Variants in CDKAL1 observed in about 807,000 individuals in gnomAD.
CDKAL1 encodes the protein threonylcarbamoyladenosine tRNA methylthiotransferase.
CDKAL1 carries 32 observed loss-of-function variants against 68.2 expected under a neutral mutation model. That is an observed-to-expected ratio of 0.47 (90% CI 0.35 to 0.63). The LOEUF (loss-of-function observed/expected upper bound fraction) is 0.63. Among genes scored for constraint, CDKAL1 ranks in the 30% least tolerant of loss-of-function variants. The probability of loss-of-function intolerance (pLI) is 0.00; values close to 1 mark genes in which losing one functional copy is unlikely to be tolerated. For synonymous variants in CDKAL1, 234 were observed against 244.3 expected (o/e 0.96, Z 0.39); for missense variants, 606 against 696.7 (o/e 0.87, Z 1.47).
At chr6:20,988,769 C>T (rs558768745) in intron 10 of CDKAL1, among the ~76,000 whole-genome samples, 4 of 152,144 alleles carry the variant, frequency 2.6e-5, no homozygotes, top group Admixed American at 1.3e-4. Context: ...CCTGCCTCAG[C>T]CTCCCCAGTA....
At chr6:20,613,197 C>T (rs906720785) in intron 4 of CDKAL1, among the ~76,000 whole-genome samples, 11 of 144,138 alleles carry the variant, frequency 7.6e-5, no homozygotes, top group Admixed American at 6.4e-4. Context: ...GTAATTGCAG[C>T]TAATATATGA....
chr6:20,670,948 G>T lies in CDKAL1; in HGVS notation c.371+21571G>T, dbSNP rs117372363. Among the ~76,000 whole-genome samples the T allele has an allele frequency of 7.9e-5, 12 of 152,290 alleles. No individual in the cohort carries two copies. In the East Asian group the frequency reaches 2.3e-3, roughly 29 times the overall value. On this transcript the variant is annotated intron_variant, in intron 5 of 15. Coordinates refer to ENST00000274695, the MANE Select transcript of CDKAL1 (RefSeq NM_017774.3). The stretch of plus-strand genomic sequence containing the variant: ...TTTCCCATGTGTGGGTGTTGAGGTT[G>T]TCTGATATTTCACAATTCCAAACTG...
At chr6:21,099,329 T>G (rs1393914755) in intron 12 of CDKAL1, among the ~76,000 whole-genome samples, 2 of 152,210 alleles carry the variant, frequency 1.3e-5, no homozygotes, top group African/African-American at 4.8e-5. Context: ...TGGACAATGT[T>G]AATAAAGGAA....
At chr6:20,998,756 C>T (rs1444469919) in intron 10 of CDKAL1, among the ~76,000 whole-genome samples, 2 of 152,052 alleles carry the variant, frequency 1.3e-5, no homozygotes, top group African/African-American at 2.4e-5. Flanking sequence ...CTATATGTAA[C>T]AAGGTTAATA....
At chr6:20,624,892 G>T (rs1009881116) in intron 4 of CDKAL1, among the ~76,000 whole-genome samples, 2 of 152,040 alleles carry the variant, frequency 1.3e-5, no homozygotes, top group African/African-American at 4.8e-5. Flanking sequence ...TATCCTCTTG[G>T]TAATAATGCA....
At chr6:20,872,104 T>C (rs1371201085) in intron 9 of CDKAL1, among the ~76,000 whole-genome samples, 1 of 152,008 alleles carries the variant, frequency 6.6e-6, no homozygotes, top group Non-Finnish European at 1.5e-5. Flanking sequence ...TAGAAGGGAG[T>C]AGCCACACAA....
intron 15 of CDKAL1, among the ~76,000 whole-genome samples, chr6:21,226,816 C>T (rs1261033964): frequency 6.6e-6 from 1 of 152,134 alleles, no homozygotes; most frequent in Non-Finnish European, 1.5e-5. Flanking sequence ...GGGTTCACAC[C>T]ATTCTCCTGC....
intron 3 of CDKAL1, among the ~76,000 whole-genome samples, chr6:20,546,816 A>G (rs1486414588): frequency 6.6e-6 from 1 of 152,154 alleles, no homozygotes. Context: ...GGCCTCCCAA[A>G]GTACTGGGAT....
intron 4 of CDKAL1, among the ~76,000 whole-genome samples, chr6:20,565,914 T>C (rs1038839465): frequency 6.6e-6 from 1 of 152,112 alleles, no homozygotes. Flanking sequence ...TAACAAAGGC[T>C]TTTTTCCTAA....
chr6:21,169,842 G>A (rs1777302668), intron 13 of CDKAL1, among the ~76,000 whole-genome samples: 2 of 152,024 alleles, frequency 1.3e-5, no homozygotes, highest in South Asian at 2.1e-4. Context: ...GCAAGAGAGG[G>A]TTTGCAGAAG....
chr6:20,719,348 G>T (rs1405552845), intron 5 of CDKAL1, among the ~76,000 whole-genome samples: 1 of 152,076 alleles, frequency 6.6e-6, no homozygotes, highest in East Asian at 1.9e-4. Context: ...GAATTATTTG[G>T]TCTTTTTAGT....
At chr6:20,750,182 C>T (rs915624853) in intron 6 of CDKAL1, among the ~76,000 whole-genome samples, 3 of 151,956 alleles carry the variant, frequency 2.0e-5, no homozygotes, top group Non-Finnish European at 2.9e-5. Context: ...GATGTGATCA[C>T]GGCACACTGC....
intron 5 of CDKAL1, among the ~76,000 whole-genome samples, chr6:20,710,942 C>G (rs1771816624): frequency 6.6e-6 from 1 of 152,140 alleles, no homozygotes; most frequent in African/African-American, 2.4e-5. Flanking sequence ...AAACATTCAA[C>G]CTCTGTAAGC....
chr6:20,562,188 T>C lies in CDKAL1; in HGVS notation c.286+13483T>C, dbSNP rs955208878. Reference sequence around the variant, plus strand: ...GTATTACTTGTATTCACTTGAGTTATTTGCAACGGTTGGTAAAGAGGCATA... The same window carrying C: ...GTATTACTTGTATTCACTTGAGTTACTTGCAACGGTTGGTAAAGAGGCATA... On this transcript the variant is annotated intron_variant, in intron 4 of 15. Coordinates refer to ENST00000274695, the MANE Select transcript of CDKAL1 (RefSeq NM_017774.3). Among the ~76,000 whole-genome samples, 10 of 152,274 alleles carry C rather than the reference T, an allele frequency of 6.6e-5. No individual in the cohort carries two copies. In the South Asian group the frequency reaches 1.7e-3, roughly 25 times the overall value.
rs548058945 is a variant in CDKAL1 at position 21,192,264 on chromosome 6, AC to A, written c.1300-5754del. ...TCTCGATCTCCTGACCTCATGATCC[AC>A]CCGCCTCGGCCTCCCAAAGTGCTGG... On this transcript the variant is annotated intron_variant, in intron 13 of 15. Coordinates refer to ENST00000274695, the MANE Select transcript of CDKAL1 (RefSeq NM_017774.3). 1.2e-3 allele frequency among the ~76,000 whole-genome samples: 171 copies of A among 143,416 alleles called. 3 individuals are homozygous for A. The highest frequency in any genetic ancestry group is 4.3e-3 in the African/African-American group (167 of 38,480). The allele number at this position is 143,416 out of a possible 152,430, so 94.1% of individuals were successfully genotyped here. A position where few individuals can be genotyped will look rare whatever the true frequency, so the allele number is the denominator to read the frequency against.
chr6:21,173,676 G>C (rs1777477138), intron 13 of CDKAL1, among the ~76,000 whole-genome samples: 1 of 152,176 alleles, frequency 6.6e-6, no homozygotes, highest in African/African-American at 2.4e-5. Context: ...GTCTACCAGA[G>C]AATGCAGATG....
chr6:20,946,219 C>T (rs527791860), intron 9 of CDKAL1, among the ~76,000 whole-genome samples: 20 of 152,278 alleles, frequency 1.3e-4, no homozygotes, highest in African/African-American at 4.3e-4. Flanking sequence ...TTTCTCACCA[C>T]GAAACTCTCA....
intron 5 of CDKAL1, among the ~76,000 whole-genome samples, chr6:20,651,098 A>G (rs796562897): frequency 4.6e-5 from 7 of 152,170 alleles, no homozygotes; most frequent in African/African-American, 9.6e-5. Context: ...AAGAATGTCA[A>G]TGGTAGTTTA....
chr6:21,047,589 C>T (rs1770315255), intron 11 of CDKAL1, among the ~76,000 whole-genome samples: 1 of 152,148 alleles, frequency 6.6e-6, no homozygotes, highest in South Asian at 2.1e-4. Context: ...TTTACTGAGC[C>T]TCAACTGTCT....
Sources: gnomAD v4.1 joint callset for allele counts (sites outside exome capture counted in the v4.1 genomes callset) on GRCh38, gnomAD v4.1.1 for gene constraint, MANE v1.5 for transcripts, NCBI Gene and HGNC (gene_info 2026-07-23, HGNC 2026-07-21) for gene names.